ACSM3: variants seen among roughly 807,000 people sequenced by gnomAD.
ACSM3 encodes the protein acyl-coenzyme A synthetase ACSM3, mitochondrial.
A neutral mutation model predicts 74.1 loss-of-function variants in ACSM3; 61 were observed. The ratio of observed to expected loss-of-function variants is 0.82; its 90% CI spans 0.67 to 1.02. The LOEUF is 1.02. Among genes scored for constraint, ACSM3 ranks in the 50% least tolerant of loss-of-function variants. The pLI, the probability that ACSM3 is intolerant of heterozygous loss-of-function variation, is 0.00. For synonymous variants in ACSM3, 213 were observed against 241.5 expected, an observed-to-expected ratio of 0.88 and a Z score of 1.09; for missense variants, 660 against 697.0, an observed-to-expected ratio of 0.95 and a Z score of 0.60.
chr16:20,752,604 G>C (rs1214841774), intron 2 of ACSM3, among the ~76,000 whole-genome samples: 2 of 152,134 alleles, frequency 1.3e-5, no homozygotes, highest in Non-Finnish European at 2.9e-5. Flanking sequence ...GTGGCACTAG[G>C]TTACTCCCTA....
chr16:20,796,943 C>T lies in ACSM3; in HGVS notation c.1732C>T (p.Leu578=). The part of the protein sequence containing the change: ...TISGKTKRNE[L]RKKEWKTI ...CAGTGGGAAGACAAAAAGAAATGAA[C>T]TGAGGAAGAAAGAATGGAAGACAAT... is the stretch of plus-strand genomic sequence containing the variant. Residue 578 remains leucine (L), a synonymous_variant, in exon 14 of 14, where the codon CTG becomes TTG. Transcript: ENST00000289416. 6.2e-7 allele frequency: 1 copy of T among 1,612,764 alleles called. No homozygotes were observed. Among genetic ancestry groups the T allele is most frequent in the Admixed American group, 1.7e-5 (1 of 59,866 alleles).
chr16:20,724,895 T>C (rs1189032767), intron 1 of ACSM3, among the ~76,000 whole-genome samples: 2 of 152,148 alleles, frequency 1.3e-5, no homozygotes, highest in East Asian at 3.8e-4. Context: ...TACAAACAAA[T>C]GGAAGAACAT....
intron 1 of ACSM3, chr16:20,685,539 C>T: frequency 2.5e-6 from 2 of 803,328 alleles, no homozygotes; most frequent in South Asian, 3.3e-5. Flanking sequence ...AACATTTATA[C>T]AGCCAGGCGC....
intron 1 of ACSM3, among the ~76,000 whole-genome samples, chr16:20,732,353 A>G (rs920274550): frequency 4.6e-5 from 7 of 152,232 alleles, no homozygotes; most frequent in Admixed American, 1.3e-4. Flanking sequence ...CTATTCAACA[A>G]TTTCTCCATT....
intron 2 of ACSM3, among the ~76,000 whole-genome samples, chr16:20,754,196 A>C (rs2080011074): frequency 6.6e-6 from 1 of 152,168 alleles, no homozygotes; most frequent in Non-Finnish European, 1.5e-5. Context: ...AAGAGGGGAG[A>C]AGGAGAGGTA....
chr16:20,737,899 T>C, intron 1 of ACSM3: 1 of 1,613,856 alleles, frequency 6.2e-7, no homozygotes, highest in Non-Finnish European at 8.5e-7. Flanking sequence ...AACTCGAGTC[T>C]TCTTTTTCTT....
intron 1 of ACSM3, chr16:20,739,077 T>C (rs759722400): frequency 6.2e-7 from 1 of 1,614,038 alleles, no homozygotes; most frequent in Non-Finnish European, 8.5e-7. Context: ...GTAAACTGTT[T>C]GCATAAAACT....
chr16:20,731,259 T>A (rs1245572768), intron 1 of ACSM3, among the ~76,000 whole-genome samples: 2 of 152,168 alleles, frequency 1.3e-5, no homozygotes, highest in African/African-American at 4.8e-5. Flanking sequence ...GGGAGCTCCA[T>A]TTGTCCCCCT....
chr16:20,701,985 T>C (rs1163808367), intron 1 of ACSM3, among the ~76,000 whole-genome samples: 4 of 152,226 alleles, frequency 2.6e-5, no homozygotes, highest in Non-Finnish European at 4.4e-5. Context: ...CTACTGTAAA[T>C]AGTGCTGCAA....
upstream of ACSM3, among the ~76,000 whole-genome samples, chr16:20,759,516 C>T (rs898062195): frequency 4.7e-5 from 7 of 148,400 alleles, no homozygotes; most frequent in East Asian, 2.0e-4. Flanking sequence ...GCCGAGATCA[C>T]GCCACTGCAC....
At chr16:20,723,419 A>C (rs1449463191) in intron 1 of ACSM3, among the ~76,000 whole-genome samples, 1 of 152,246 alleles carries the variant, frequency 6.6e-6, no homozygotes, top group East Asian at 1.9e-4. Context: ...TGGCTGGGTC[A>C]AACAGTATTT....
rs569027771 is a variant in ACSM3 at position 20,756,714 on chromosome 16, C to T, written c.-52+1098C>T. Among the ~76,000 whole-genome samples, 206 of 152,296 alleles carry T rather than the reference C, an allele frequency of 1.4e-3. 1 individual carries two copies. Among genetic ancestry groups the T allele is most frequent in the African/African-American group, 4.7e-3 (197 of 41,552 alleles). On this transcript the variant is annotated intron_variant, in intron 3 of 3. Transcript: ENST00000561584. Reference sequence around the variant, plus strand: ...TTAGACATGAAATCCTTGCCCATGCCTATGTCCTGAATGGTAATGCCTAGG... The same window carrying T: ...TTAGACATGAAATCCTTGCCCATGCTTATGTCCTGAATGGTAATGCCTAGG...
At chr16:20,693,095 G>T (rs573686683) in intron 1 of ACSM3, among the ~76,000 whole-genome samples, 29 of 152,004 alleles carry the variant, frequency 1.9e-4, no homozygotes, top group African/African-American at 6.8e-4. Flanking sequence ...ACTTGAACCT[G>T]GGAGTCGGAG....
intron 1 of ACSM3, chr16:20,741,478 C>CCGGGGGGGGGGGGGGGGCGG: frequency 7.5e-7 from 1 of 1,336,934 alleles, no homozygotes. Flanking sequence ...GGCCTGGCAG[C>CCGGGGGGGGGGGGGGGGCGG]CGGCCCGCCC....
rs79553950 is a variant in ACSM3, at chr16:20,688,708, C to A, written c.-190+13886C>A. 3.7e-3 allele frequency among the ~76,000 whole-genome samples: 557 copies of A among 151,972 alleles called. 3 individuals carry two copies. The highest frequency in any genetic ancestry group is 0.012 in the African/African-American group (514 of 41,530). On this transcript the variant is annotated intron_variant, in intron 1 of 3. Transcript: ENST00000561584. ...AAAGTAAAGGGGAAATTAGGGTATTCCCAGATAAACAAAAGTCAAAGTTCA... is the reference window on the plus strand; with the variant it reads ...AAAGTAAAGGGGAAATTAGGGTATTACCAGATAAACAAAAGTCAAAGTTCA...
chr16:20,768,717 A>G (rs561200862), intron 1 of ACSM3, among the ~76,000 whole-genome samples: 1 of 152,292 alleles, frequency 6.6e-6, no homozygotes, highest in African/African-American at 2.4e-5. Flanking sequence ...ATCCTGTCGA[A>G]TGACAGTAAA....
At position 20,796,924 on chromosome 16, in the gene ACSM3, G is replaced by A; in HGVS notation, c.1713G>A (p.Gly571=). 1 of 1,612,778 alleles carries A rather than the reference G, an allele frequency of 6.2e-7. No individual in the cohort carries two copies. The highest frequency in any genetic ancestry group is 8.5e-7 in the Non-Finnish European group (1 of 1,179,424). The change falls in exon 14 of 14, where the codon GGG becomes GGA. Residue 571 remains glycine (G), a synonymous_variant. Coordinates refer to ENST00000289416, the MANE Select transcript of ACSM3 (RefSeq NM_005622.4). ...AAGAGCTGCCAAAGACTATCAGTGG[G>A]AAGACAAAAAGAAATGAACTGAGGA... ...FIQELPKTIS[G]KTKRNELRKK...
At position 20,729,221 on chromosome 16, in the gene ACSM3, G is replaced by A. The variant is rs913360085; in HGVS notation, c.-189-20689G>A. 1.2e-5 allele frequency: 10 copies of A among 825,402 alleles called. No homozygotes were observed. In the African/African-American group the frequency reaches 1.5e-4, roughly 12 times the overall value. The allele number at this position is 825,402 out of a possible 1,614,324, so 51.1% of individuals were successfully genotyped here. A position where few individuals can be genotyped will look rare whatever the true frequency, so the allele number is the denominator to read the frequency against. ...AAACTAATCCCCAAATGTCATCTTT[G>A]ATTCCTAGGACAGTCCAGAGAAAAC... On this transcript the variant is annotated intron_variant, in intron 1 of 3. Transcript: ENST00000561584.
chr16:20,796,553 T>C (rs1027410688), intron 13 of ACSM3, 64 bp downstream of exon 13: 60 of 1,591,986 alleles, frequency 3.8e-5, no homozygotes, highest in Admixed American at 3.5e-4. Context: ...TGTTTATTTT[T>C]ACATTTTAAT....
Sources: allele counts gnomAD v4.1 joint callset (sites outside exome capture counted in the v4.1 genomes callset), GRCh38; gene constraint gnomAD v4.1.1; transcripts MANE v1.5; gene names NCBI Gene and HGNC (gene_info 2026-07-23, HGNC 2026-07-21).